MAPKAP1: variants seen among roughly 807,000 people sequenced by gnomAD.
MAPKAP1 encodes the protein MAPK associated protein 1.
In MAPKAP1, 20 loss-of-function variants were observed where a neutral mutation model predicts 65.7. The observed-to-expected ratio is 0.30, with a 90% CI of 0.21 to 0.44. MAPKAP1 has a LOEUF of 0.44. Among genes scored for constraint, MAPKAP1 ranks in the 20% least tolerant of loss-of-function variants. MAPKAP1 has a pLI of 1.00. For missense variants in MAPKAP1, 423 were observed against 648.0 expected (o/e 0.65, Z 3.77); for synonymous variants, 222 against 244.3 (o/e 0.91, Z 0.85).
chr9:125,471,566 G>C (rs954684407), intron 9 of MAPKAP1: 1 of 152,442 alleles, frequency 6.6e-6, no homozygotes, highest in African/African-American at 2.4e-5. Flanking sequence ...GTGGAAGCCA[G>C]GCTAGTGGGG....
chr9:125,669,776 T>A, intron 3 of MAPKAP1, 42 bp downstream of exon 3: 1 of 1,045,176 alleles, frequency 9.6e-7, no homozygotes, highest in South Asian at 1.6e-5. Context: ...ATAAACTAAA[T>A]ATATAAATCT....
intron 4 of MAPKAP1, among the ~76,000 whole-genome samples, chr9:125,622,126 G>C (rs1832921110): frequency 6.6e-6 from 1 of 152,168 alleles, no homozygotes; most frequent in South Asian, 2.1e-4. Context: ...GGGTATTGGA[G>C]GCTGGGAGAA....
intron 5 of MAPKAP1, among the ~76,000 whole-genome samples, chr9:125,560,670 G>C (rs1370768471): frequency 6.6e-6 from 1 of 152,184 alleles, no homozygotes; most frequent in African/African-American, 2.4e-5. Flanking sequence ...AATCCATACA[G>C]TTCTCCCTTC....
chr9:125,500,366 T>G (rs1351799223), intron 8 of MAPKAP1, among the ~76,000 whole-genome samples: 2 of 150,958 alleles, frequency 1.3e-5, no homozygotes, highest in Admixed American at 6.6e-5. Flanking sequence ...TTTTTTTTTT[T>G]GTATTTTTAG....
intron 4 of MAPKAP1, among the ~76,000 whole-genome samples, chr9:125,612,727 C>A (rs888979041): frequency 1.3e-5 from 2 of 152,152 alleles, no homozygotes; most frequent in African/African-American, 4.8e-5. Flanking sequence ...GGAGACACAG[C>A]AGAAGTACCA....
chr9:125,557,409 T>C (rs1373360834), intron 6 of MAPKAP1, among the ~76,000 whole-genome samples: 1 of 152,194 alleles, frequency 6.6e-6, no homozygotes, highest in East Asian at 1.9e-4. Context: ...GTATATCTTT[T>C]AGAGTAGAAA....
chr9:125,588,006 G>A (rs545921438), intron 4 of MAPKAP1, among the ~76,000 whole-genome samples: 10 of 152,214 alleles, frequency 6.6e-5, no homozygotes, highest in South Asian at 2.1e-4. Flanking sequence ...GAAAATGTTC[G>A]GCAGTTTCTC....
At chr9:125,619,484 A>G (rs1280335275) in intron 4 of MAPKAP1, among the ~76,000 whole-genome samples, 1 of 152,110 alleles carries the variant, frequency 6.6e-6, no homozygotes, top group Non-Finnish European at 1.5e-5. Context: ...TTAAAAAAAA[A>G]AAAAACTGCG....
chr9:125,569,472 G>A (rs537343381), intron 5 of MAPKAP1, among the ~76,000 whole-genome samples: 16 of 152,174 alleles, frequency 1.1e-4, no homozygotes, highest in African/African-American at 2.6e-4. Flanking sequence ...TTTCTCCTCC[G>A]CGGACTATCT....
intron 4 of MAPKAP1, among the ~76,000 whole-genome samples, chr9:125,637,304 G>A (rs1264408818): frequency 1.3e-5 from 2 of 151,880 alleles, no homozygotes; most frequent in Non-Finnish European, 2.9e-5. Context: ...AATAAAAAAA[G>A]TATAATGTAA....
intron 7 of MAPKAP1, among the ~76,000 whole-genome samples, chr9:125,509,393 T>G (rs1829236387): frequency 6.6e-6 from 1 of 152,224 alleles, no homozygotes; most frequent in East Asian, 1.9e-4. Flanking sequence ...TTATTTTTGC[T>G]TTGTGTTTTT....
At chr9:125,675,395 G>A (rs1834614789) in intron 1 of MAPKAP1, among the ~76,000 whole-genome samples, 1 of 152,152 alleles carries the variant, frequency 6.6e-6, no homozygotes. Context: ...CTATTCTAGG[G>A]AAATAGATCA....
At position 125,467,871 on chromosome 9, in the gene MAPKAP1, A is replaced by T. The variant is rs1853737859; in HGVS notation, c.1345+101T>A. 4 of 1,302,378 alleles carry T rather than the reference A, an allele frequency of 3.1e-6. No individual in the cohort carries two copies. The East Asian group carries it at 9.3e-5, about 30-fold the overall frequency. The allele number at this position is 1,302,378 out of a possible 1,614,324, so 80.7% of individuals were successfully genotyped here. A position where few individuals can be genotyped will look rare whatever the true frequency, so the allele number is the denominator to read the frequency against. ...GTAATGAATTAAAACAGACCCAAGG[A>T]AAAAAGGACACAGTGGCAATATATT... On this transcript the variant is annotated intron_variant, in intron 10 of 11. Transcript: ENST00000265960.
intron 3 of MAPKAP1, among the ~76,000 whole-genome samples, chr9:125,664,836 CAG>C (rs1834294655): frequency 6.6e-6 from 1 of 151,746 alleles, no homozygotes; most frequent in Admixed American, 6.6e-5. Flanking sequence ...TGGGAGGGAG[CAG>C]AGCAGAGTAG....
chr9:125,646,999 G>C (rs544375125), intron 4 of MAPKAP1, among the ~76,000 whole-genome samples: 3 of 152,088 alleles, frequency 2.0e-5, no homozygotes, highest in East Asian at 1.9e-4. Flanking sequence ...AACATCTGCC[G>C]GAACACATGC....
intron 1 of MAPKAP1, among the ~76,000 whole-genome samples, chr9:125,696,685 T>C (rs190892969): frequency 4.7e-4 from 71 of 152,246 alleles, no homozygotes; most frequent in East Asian, 3.9e-3. Context: ...GACTTTCCAA[T>C]GGTAGTGATC....
At chr9:125,506,043 C>G (rs1564534889) in intron 8 of MAPKAP1, 1 of 488,918 alleles carries the variant, frequency 2.0e-6, no homozygotes, top group Non-Finnish European at 3.7e-6. Context: ...TAAGCTGTTT[C>G]CAGGGATGCT....
intron 9 of MAPKAP1, among the ~76,000 whole-genome samples, chr9:125,477,352 T>G (rs1038120586): frequency 1.3e-5 from 2 of 152,176 alleles, no homozygotes; most frequent in African/African-American, 4.8e-5. Flanking sequence ...AGCGTGAGAC[T>G]GCATCAGAAA....
chr9:125,551,221 T>C (rs955930487), intron 6 of MAPKAP1, among the ~76,000 whole-genome samples: 1 of 152,182 alleles, frequency 6.6e-6, no homozygotes, highest in African/African-American at 2.4e-5. Flanking sequence ...GGCAATAGCA[T>C]ATAACAGAAG....
Sources: gnomAD v4.1 joint callset for allele counts (sites outside exome capture counted in the v4.1 genomes callset) on GRCh38, gnomAD v4.1.1 for gene constraint, MANE v1.5 for transcripts, NCBI Gene and HGNC (gene_info 2026-07-23, HGNC 2026-07-21) for gene names.